XKR4: variants seen among roughly 807,000 people sequenced by gnomAD.
The protein encoded by XKR4 is XK-related protein 4.
In XKR4, 12 loss-of-function variants were observed where a neutral mutation model predicts 53.9. The observed-to-expected ratio is 0.22, with a 90% CI of 0.14 to 0.36. XKR4 has a LOEUF of 0.36. XKR4 is among the 10% of genes least tolerant of loss of function. XKR4 has a pLI of 1.00. For synonymous variants in XKR4, 354 were observed against 362.4 expected (o/e 0.98, Z 0.26); for missense variants, 799 against 859.5 (o/e 0.93, Z 0.88).
At chr8:55,278,895 T>C (rs976736308) in intron 1 of XKR4, among the ~76,000 whole-genome samples, 6 of 152,194 alleles carry the variant, frequency 3.9e-5, no homozygotes, top group Admixed American at 2.0e-4. Flanking sequence ...TGAGATACTA[T>C]GCTAACTCAT....
intron 1 of XKR4, among the ~76,000 whole-genome samples, chr8:55,226,852 C>T (rs919182259): frequency 6.6e-6 from 1 of 152,196 alleles, no homozygotes; most frequent in Non-Finnish European, 1.5e-5. Context: ...ATCCCATTAT[C>T]CTGTTACCCA....
chr8:55,473,679 C>A (rs1330803802), intron 2 of XKR4, among the ~76,000 whole-genome samples: 1 of 152,132 alleles, frequency 6.6e-6, no homozygotes, highest in Non-Finnish European at 1.5e-5. Context: ...AGAACCATGT[C>A]TTTGCATATG....
At chr8:55,494,702 C>A (rs955691139) in intron 2 of XKR4, among the ~76,000 whole-genome samples, 5 of 152,144 alleles carry the variant, frequency 3.3e-5, no homozygotes, top group African/African-American at 1.2e-4. Context: ...TGCCGCTCCT[C>A]TCTATAGCTG....
At chr8:55,414,362 T>C (rs924479273) in intron 2 of XKR4, among the ~76,000 whole-genome samples, 1 of 152,086 alleles carries the variant, frequency 6.6e-6, no homozygotes, top group Non-Finnish European at 1.5e-5. Flanking sequence ...AGTAATAGCA[T>C]TGAGTTTCTG....
Position 55,102,353 on chromosome 8 carries a change from C to G in XKR4, c.-136C>G. ...CGGGCGGCGGCGGACGGCAGGCGAG[C>G]CGACGCAGGAGCAGGAGGAGGGGGA... On this transcript the variant is annotated 5_prime_UTR_variant, in exon 1 of 3. Transcript: ENST00000327381. This position sits in a 1 kb window ranked among gnomAD's most constrained non-coding sequence, Gnocchi z 5.1. 8.9e-7 allele frequency: 1 copy of G among 1,127,452 alleles called. No homozygotes were observed. Among genetic ancestry groups the G allele is most frequent in the Non-Finnish European group, 1.1e-6 (1 of 908,898 alleles). 69.8% of individuals were successfully genotyped at this position (1,127,452 alleles called of 1,614,324 possible). A position where few individuals can be genotyped will look rare whatever the true frequency, so the allele number is the denominator to read the frequency against.
intron 1 of XKR4, among the ~76,000 whole-genome samples, chr8:55,171,783 C>T (rs1047269097): frequency 3.3e-5 from 5 of 152,050 alleles, no homozygotes; most frequent in African/African-American, 7.2e-5. Flanking sequence ...AAGTTTATGT[C>T]GCCTTCCAGT....
intron 1 of XKR4, among the ~76,000 whole-genome samples, chr8:55,344,915 A>G (rs1440045381): frequency 1.3e-5 from 2 of 152,266 alleles, no homozygotes; most frequent in Admixed American, 1.3e-4. Context: ...TATAAAATTT[A>G]AGCAAAACAT....
chr8:55,420,932 G>A (rs897377901), intron 2 of XKR4, among the ~76,000 whole-genome samples: 1 of 152,170 alleles, frequency 6.6e-6, no homozygotes, highest in Non-Finnish European at 1.5e-5. Flanking sequence ...TTGTGGTTCA[G>A]TGACTAAATC....
intron 1 of XKR4, among the ~76,000 whole-genome samples, chr8:55,137,176 AG>A (rs1181176078): frequency 1.3e-5 from 2 of 152,184 alleles, no homozygotes; most frequent in African/African-American, 2.4e-5. Flanking sequence ...GCTAGAAAAA[AG>A]GTTAGAAGAC....
intron 2 of XKR4, among the ~76,000 whole-genome samples, chr8:55,455,458 G>A (rs1187954818): frequency 2.0e-5 from 3 of 152,148 alleles, no homozygotes; most frequent in Non-Finnish European, 2.9e-5. Context: ...AGTTCAACAC[G>A]GAATTCATAA....
intron 2 of XKR4, among the ~76,000 whole-genome samples, chr8:55,360,359 T>C (rs1803882476): frequency 6.6e-6 from 1 of 152,238 alleles, no homozygotes; most frequent in Non-Finnish European, 1.5e-5. Context: ...TGCTGATAGA[T>C]GATCCCACTT....
intron 2 of XKR4, among the ~76,000 whole-genome samples, chr8:55,465,701 C>T (rs1181681090): frequency 1.3e-5 from 2 of 152,042 alleles, no homozygotes; most frequent in African/African-American, 4.8e-5. Flanking sequence ...GAACAGGCAA[C>T]CTACAGAATG....
At chr8:55,194,535 G>A (rs185671203) in intron 1 of XKR4, among the ~76,000 whole-genome samples, 13 of 152,274 alleles carry the variant, frequency 8.5e-5, no homozygotes, top group East Asian at 7.7e-4. Flanking sequence ...TTAAGGCAGC[G>A]GTCTTCAAAC....
At chr8:55,285,059 C>G (rs1228719220) in intron 1 of XKR4, among the ~76,000 whole-genome samples, 1 of 152,226 alleles carries the variant, frequency 6.6e-6, no homozygotes, top group Non-Finnish European at 1.5e-5. Context: ...CAGATCATAT[C>G]ACACTGCTGT....
At chr8:55,139,081 G>A (rs925853552) in intron 1 of XKR4, among the ~76,000 whole-genome samples, 4 of 152,006 alleles carry the variant, frequency 2.6e-5, no homozygotes, top group Non-Finnish European at 4.4e-5. Context: ...TTTCATATTG[G>A]GACAAGATTC....
chr8:55,293,767 A>G (rs1819063409), intron 1 of XKR4, among the ~76,000 whole-genome samples: 1 of 152,186 alleles, frequency 6.6e-6, no homozygotes, highest in South Asian at 2.1e-4. Flanking sequence ...GGGTACTTAT[A>G]GGATTCAAAG....
intron 1 of XKR4, among the ~76,000 whole-genome samples, chr8:55,161,076 TG>T (rs1816977485): frequency 1.3e-5 from 2 of 152,164 alleles, no homozygotes; most frequent in South Asian, 2.1e-4. Context: ...TCGGCTTTGG[TG>T]GTTATCTCTT....
At chr8:55,221,139 C>T (rs1368220764) in intron 1 of XKR4, among the ~76,000 whole-genome samples, 1 of 152,204 alleles carries the variant, frequency 6.6e-6, no homozygotes, top group Admixed American at 6.5e-5. Context: ...CAATGTGGAG[C>T]CCAGCCCTGC....
At chr8:55,198,567 C>T (rs1290886331) in intron 1 of XKR4, among the ~76,000 whole-genome samples, 1 of 151,730 alleles carries the variant, frequency 6.6e-6, no homozygotes, top group Non-Finnish European at 1.5e-5. Flanking sequence ...TGGGTGCTTT[C>T]ATATAAGTTG....
Sources: gnomAD v4.1 joint callset for allele counts (sites outside exome capture counted in the v4.1 genomes callset) on GRCh38, gnomAD v4.1.1 for gene constraint, Gnocchi (gnomAD v3.1) non-coding constraint, MANE v1.5 for transcripts, NCBI Gene and HGNC (gene_info 2026-07-23, HGNC 2026-07-21) for gene names.